NALCN: variants seen among roughly 807,000 people sequenced by gnomAD.
NALCN encodes the protein sodium leak channel, non-selective.
Under a neutral mutation model 225.3 loss-of-function variants are expected in NALCN, and 111 were observed. The ratio of observed to expected loss-of-function variants is 0.49; its 90% CI spans 0.42 to 0.58. The LOEUF (loss-of-function observed/expected upper bound fraction) is 0.58. Among genes scored for constraint, NALCN ranks in the 20% least tolerant of loss-of-function variants. The pLI, the probability that NALCN is intolerant of heterozygous loss-of-function variation, is 0.00. For missense variants in NALCN, 1,378 were observed against 2,202.4 expected (o/e 0.63, Z 7.49); for synonymous variants, 764 against 769.0 (o/e 0.99, Z 0.11).
At chr13:101,207,921 T>C (rs1448373467) in intron 13 of NALCN, among the ~76,000 whole-genome samples, 2 of 152,184 alleles carry the variant, frequency 1.3e-5, no homozygotes, top group Non-Finnish European at 2.9e-5. Context: ...ACCGCAAAGG[T>C]CTGCGGCTTC....
At chr13:101,236,863 A>T (rs1594500691) in intron 12 of NALCN, among the ~76,000 whole-genome samples, 2 of 151,644 alleles carry the variant, frequency 1.3e-5, no homozygotes, top group East Asian at 3.9e-4. Context: ...ATGTATACAT[A>T]TGTAACTAAC....
rs201297957 is a variant in NALCN at position 101,055,433 on chromosome 13, C to T, written c.5079G>A (p.Arg1693=). 98 of 1,613,994 alleles carry T rather than the reference C, an allele frequency of 6.1e-5. No individual in the cohort carries two copies. The highest frequency in any genetic ancestry group is 3.0e-4 in the Admixed American group (18 of 60,008). ...VSSVNLRFGG[R]TTMKSVVCKM... is the part of the protein sequence containing the mutation. The stretch of plus-strand genomic sequence containing the variant: ...TGCACACGACAGATTTCATGGTTGT[C>T]CTTCCTCCAAACCGTAAGTTGACTG... The change falls in exon 44 of 44, where the codon AGG becomes AGA. Residue 1693 remains arginine, a synonymous_variant. Coordinates refer to ENST00000251127, the MANE Select transcript of NALCN (RefSeq NM_052867.4).
intron 15 of NALCN, among the ~76,000 whole-genome samples, chr13:101,157,564 G>C (rs1342145952): frequency 6.6e-6 from 1 of 152,106 alleles, no homozygotes; most frequent in South Asian, 2.1e-4. Flanking sequence ...AGGAAAGTTG[G>C]ATTATAAATG....
At chr13:101,116,967 G>A in intron 18 of NALCN, 1 of 516,736 alleles carries the variant, frequency 1.9e-6, no homozygotes, top group Non-Finnish European at 3.9e-6. Context: ...AGAGACAACA[G>A]CGGATGCTAA....
intron 17 of NALCN, among the ~76,000 whole-genome samples, chr13:101,137,071 G>C (rs994153839): frequency 6.6e-5 from 10 of 152,064 alleles, no homozygotes; most frequent in African/African-American, 2.4e-4. Flanking sequence ...GAAATCTTAC[G>C]CATCTTTTTA....
intron 6 of NALCN, among the ~76,000 whole-genome samples, chr13:101,348,113 T>A (rs1440897933): frequency 1.3e-5 from 2 of 152,130 alleles, no homozygotes; most frequent in East Asian, 1.9e-4. Flanking sequence ...CAAATACTTT[T>A]AAAAATACAA....
At chr13:101,336,072 G>A (rs1422025235) in intron 7 of NALCN, among the ~76,000 whole-genome samples, 4 of 151,976 alleles carry the variant, frequency 2.6e-5, no homozygotes, top group African/African-American at 9.7e-5. Flanking sequence ...AATACTAATA[G>A]AAAAAGATAT....
Position 101,081,735 on chromosome 13 carries a change from T to G in NALCN, c.3766-89A>C, listed in dbSNP as rs750807463. On this transcript the variant is annotated intron_variant, in intron 33 of 43. Coordinates refer to ENST00000251127, the MANE Select transcript of NALCN (RefSeq NM_052867.4). Reference sequence around the variant, plus strand: ...ACTTGAGATGCATTATGTGTATGTATTTTTTTCAAATGAAGAAAATTTTAA... The same window carrying G: ...ACTTGAGATGCATTATGTGTATGTAGTTTTTTCAAATGAAGAAAATTTTAA... 1.3e-5 allele frequency: 19 copies of G among 1,483,710 alleles called. 1 individual carries two copies. The South Asian group carries it at 2.5e-4, about 19-fold the overall frequency. 91.9% of individuals were successfully genotyped at this position (1,483,710 alleles called of 1,614,324 possible). A position where few individuals can be genotyped will look rare whatever the true frequency, so the allele number is the denominator to read the frequency against.
intron 10 of NALCN, among the ~76,000 whole-genome samples, chr13:101,283,425 G>A (rs1265884498): frequency 6.6e-6 from 1 of 152,124 alleles, no homozygotes; most frequent in Non-Finnish European, 1.5e-5. Context: ...TCTAATCACT[G>A]TGAGAATCTA....
chr13:101,244,801 G>T (rs1400577996), intron 11 of NALCN, among the ~76,000 whole-genome samples: 1 of 152,166 alleles, frequency 6.6e-6, no homozygotes. Context: ...AAATTCAGAG[G>T]ACTATAATAG....
intron 40 of NALCN, among the ~76,000 whole-genome samples, chr13:101,063,569 A>C (rs1594122211): frequency 6.6e-6 from 1 of 152,210 alleles, no homozygotes. Flanking sequence ...AGACTCAGAA[A>C]CATTCTGACA....
At chr13:101,226,136 C>T (rs1480954866) in intron 13 of NALCN, among the ~76,000 whole-genome samples, 1 of 151,954 alleles carries the variant, frequency 6.6e-6, no homozygotes, top group Non-Finnish European at 1.5e-5. Context: ...AAAAAAACAC[C>T]CAAATCAAGC....
intron 15 of NALCN, among the ~76,000 whole-genome samples, chr13:101,159,229 A>G (rs1439179058): frequency 6.6e-6 from 1 of 152,244 alleles, no homozygotes; most frequent in Non-Finnish European, 1.5e-5. Flanking sequence ...AATGCTGTCA[A>G]TGACAGCATT....
Position 101,112,779 on chromosome 13 carries a change from C to T in NALCN, c.2193-1553G>A, listed in dbSNP as rs117501940. ...CTTGAATGGCTTTGAATATGATTAC[C>T]ATCTGTCTGAGAATTAAGATCTTTG... On this transcript the variant is annotated intron_variant, in intron 18 of 43. Coordinates refer to ENST00000251127, the MANE Select transcript of NALCN (RefSeq NM_052867.4). 2.5e-3 allele frequency among the ~76,000 whole-genome samples: 378 copies of T among 152,160 alleles called. 1 individual carries two copies. Among genetic ancestry groups the T allele is most frequent in the South Asian group, 4.3e-3 (21 of 4,832 alleles).
At chr13:101,327,129 G>T (rs935426298) in intron 7 of NALCN, among the ~76,000 whole-genome samples, 6 of 152,118 alleles carry the variant, frequency 3.9e-5, no homozygotes, top group African/African-American at 1.4e-4. Flanking sequence ...TGGCAAATGG[G>T]TTATGTGTCC....
chr13:101,305,403 A>G (rs567753175), intron 7 of NALCN, among the ~76,000 whole-genome samples: 1 of 152,358 alleles, frequency 6.6e-6, no homozygotes, highest in African/African-American at 2.4e-5. Flanking sequence ...AATATCCAGC[A>G]CAAATCATTG....
intron 37 of NALCN, among the ~76,000 whole-genome samples, chr13:101,071,471 A>G (rs968775397): frequency 2.6e-5 from 4 of 152,216 alleles, no homozygotes; most frequent in African/African-American, 9.6e-5. Context: ...CTTTCATATT[A>G]TGGAGATGGC....
intron 15 of NALCN, among the ~76,000 whole-genome samples, chr13:101,161,744 C>T (rs772499756): frequency 8.5e-5 from 13 of 152,072 alleles, no homozygotes; most frequent in South Asian, 6.2e-4. Context: ...TGGTGGCGCA[C>T]GCCTGTAATC....
At chr13:101,409,558 C>T (rs2047719484) in intron 1 of NALCN, among the ~76,000 whole-genome samples, 2 of 152,146 alleles carry the variant, frequency 1.3e-5, no homozygotes, top group South Asian at 4.1e-4. Context: ...TGATGAGCTG[C>T]TACTATCATT....
Sources: allele counts gnomAD v4.1 joint callset (sites outside exome capture counted in the v4.1 genomes callset), GRCh38; gene constraint gnomAD v4.1.1; transcripts MANE v1.5; gene names NCBI Gene and HGNC (gene_info 2026-07-23, HGNC 2026-07-21).